The following TSC22D1 variants were observed in gnomAD, a reference collection of about 807,000 sequenced individuals.
TSC22D1 encodes the protein TSC22 domain family protein 1.
Under a neutral mutation model 74.2 loss-of-function variants are expected in TSC22D1, and 9 were observed. That is an observed-to-expected ratio of 0.12 (90% confidence interval 0.07 to 0.21). The LOEUF is 0.21. Among genes scored for constraint, TSC22D1 ranks in the 10% least tolerant of loss-of-function variants. The pLI is 1.00. For missense variants in TSC22D1, 1,427 were observed against 1,304.7 expected (o/e 1.09, Z -1.44); for synonymous variants, 586 against 492.5 (o/e 1.19, Z -2.51).
At chr13:44,454,774 G>A (rs1018720439) in intron 1 of TSC22D1, among the ~76,000 whole-genome samples, 1 of 152,144 alleles carries the variant, frequency 6.6e-6, no homozygotes, top group Non-Finnish European at 1.5e-5. Flanking sequence ...AGGAAACCAA[G>A]GCGCAAAGGA....
chr13:44,473,189 T>C (rs1877704058), intron 1 of TSC22D1, among the ~76,000 whole-genome samples: 1 of 152,190 alleles, frequency 6.6e-6, no homozygotes, highest in Non-Finnish European at 1.5e-5. Flanking sequence ...GTATTTTACA[T>C]TCATTTAAAA....
intron 1 of TSC22D1, among the ~76,000 whole-genome samples, chr13:44,453,864 A>T (rs760770851): frequency 6.6e-6 from 1 of 152,244 alleles, no homozygotes; most frequent in Non-Finnish European, 1.5e-5. Flanking sequence ...AAGATGCTTC[A>T]ATTTTACTTA....
At chr13:44,511,168 A>T (rs1879696625) in intron 1 of TSC22D1, among the ~76,000 whole-genome samples, 1 of 152,070 alleles carries the variant, frequency 6.6e-6, no homozygotes, top group Admixed American at 6.6e-5. Context: ...CTGTAATCCC[A>T]GCTACTCAGG....
chr13:44,456,964 A>C (rs920878776), intron 1 of TSC22D1, among the ~76,000 whole-genome samples: 3 of 152,252 alleles, frequency 2.0e-5, no homozygotes, highest in Non-Finnish European at 2.9e-5. Context: ...AAATAATTCA[A>C]GAAAACTTCC....
intron 1 of TSC22D1, among the ~76,000 whole-genome samples, chr13:44,513,839 G>C (rs1879848557): frequency 6.6e-6 from 1 of 152,212 alleles, no homozygotes; most frequent in East Asian, 1.9e-4. Context: ...AGAGAATTCA[G>C]ATGACAAGTT....
At chr13:44,516,934 T>G (rs572207415) in intron 1 of TSC22D1, among the ~76,000 whole-genome samples, 12 of 152,174 alleles carry the variant, frequency 7.9e-5, no homozygotes, top group Non-Finnish European at 1.8e-4. Context: ...TCCTGCCCAG[T>G]TAGTCACCCC....
Position 44,436,077 on chromosome 13 carries a change from C to T in TSC22D1, c.2931G>A (p.Val977=), listed in dbSNP as rs1363272578. Residue 977 remains valine, a synonymous_variant, in exon 2 of 3, where the codon GTG becomes GTA. Coordinates refer to ENST00000458659, the MANE Select transcript of TSC22D1 (RefSeq NM_183422.4). ...GEDESSSGAS[V]VAIDNKIEQA... ...GCTCGATTTTGTTGTCAATAGCTAC[C>T]ACACTTGCACCAGAGGAGCTGAAAA... 1 of 1,613,338 alleles carries T rather than the reference C, an allele frequency of 6.2e-7. No homozygotes were observed. Among genetic ancestry groups the T allele is most frequent in the Admixed American group, 1.7e-5 (1 of 59,876 alleles).
intron 1 of TSC22D1, among the ~76,000 whole-genome samples, chr13:44,532,868 T>C (rs1880928950): frequency 6.6e-6 from 1 of 152,014 alleles, no homozygotes; most frequent in Non-Finnish European, 1.5e-5. Flanking sequence ...GGGCTTGGAA[T>C]TGATGGGAAA....
In TSC22D1 at chr13:44,433,976, A is replaced by G; in HGVS notation, c.*650T>C. The G allele has an allele frequency of 6.5e-7, 1 of 1,534,324 alleles. No individual in the cohort carries two copies. On this transcript the variant is annotated 3_prime_UTR_variant, in exon 3 of 3. Transcript: ENST00000458659. ...ACAAAATAGTTACACTACATACACA[A>G]ATATACAATAAGCAAAACAACCTTC... is the stretch of plus-strand genomic sequence containing the variant.
chr13:44,558,002 A>G (rs1351728941), intron 1 of TSC22D1, among the ~76,000 whole-genome samples: 1 of 152,222 alleles, frequency 6.6e-6, no homozygotes, highest in Admixed American at 6.5e-5. Context: ...GTACTAAGAG[A>G]AAATAATAAT....
intron 1 of TSC22D1, chr13:44,538,543 G>T (rs936294570): frequency 1.0e-6 from 1 of 985,144 alleles, no homozygotes; most frequent in African/African-American, 1.7e-5. Flanking sequence ...ACAGAGAGCC[G>T]CTTTTAAAAG....
At chr13:44,570,812 T>C (rs116771141) in intron 1 of TSC22D1, among the ~76,000 whole-genome samples, 3,425 of 152,294 alleles carry the variant, frequency 0.022, 117 homozygotes, top group African/African-American at 0.076. Context: ...GAAGCTACCA[T>C]GGGAAGAAAG....
chr13:44,564,926 C>CA (rs1280266275), intron 1 of TSC22D1, among the ~76,000 whole-genome samples: 1 of 152,062 alleles, frequency 6.6e-6, no homozygotes, highest in African/African-American at 2.4e-5. Flanking sequence ...AAGAAACTAT[C>CA]AAGAATGACT....
intron 1 of TSC22D1, chr13:44,516,433 G>T: frequency 2.6e-6 from 1 of 389,368 alleles, no homozygotes; most frequent in Non-Finnish European, 4.9e-6. Context: ...AGCTCCCAAA[G>T]GGGACTTCGG....
At chr13:44,502,456 A>G (rs61947966) in intron 1 of TSC22D1, among the ~76,000 whole-genome samples, 17,421 of 152,168 alleles carry the variant, frequency 0.11, 1,031 homozygotes, top group Non-Finnish European at 0.13. Flanking sequence ...TGGAACCACC[A>G]CACACAGAAA....
intron 1 of TSC22D1, among the ~76,000 whole-genome samples, chr13:44,508,694 G>A (rs1378347557): frequency 6.6e-6 from 1 of 151,940 alleles, no homozygotes; most frequent in Non-Finnish European, 1.5e-5. Flanking sequence ...ACTCTTACAG[G>A]GCCCTACAGC....
intron 1 of TSC22D1, among the ~76,000 whole-genome samples, chr13:44,450,231 G>C (rs1049002996): frequency 4.6e-5 from 7 of 152,214 alleles, no homozygotes; most frequent in African/African-American, 1.4e-4. Flanking sequence ...AGCATGCTGA[G>C]TTTGGACACC....
intron 1 of TSC22D1, among the ~76,000 whole-genome samples, chr13:44,448,580 G>C (rs1467071045): frequency 6.6e-6 from 1 of 152,188 alleles, no homozygotes; most frequent in Non-Finnish European, 1.5e-5. Context: ...TGGGGACACA[G>C]TGTGTTTACA....
chr13:44,558,592 T>C (rs1020195847), intron 1 of TSC22D1, among the ~76,000 whole-genome samples: 16 of 151,736 alleles, frequency 1.1e-4, no homozygotes, highest in African/African-American at 2.7e-4. Flanking sequence ...ATACAAAAAT[T>C]AGCCGGGCAT....
Sources: allele counts gnomAD v4.1 joint callset (sites outside exome capture counted in the v4.1 genomes callset), GRCh38; gene constraint gnomAD v4.1.1; transcripts MANE v1.5; gene names NCBI Gene and HGNC (gene_info 2026-07-23, HGNC 2026-07-21).